The following GRIA2 variants were observed in gnomAD, a reference collection of about 807,000 sequenced individuals.
The protein encoded by GRIA2 is glutamate receptor 2.
In GRIA2, 14 loss-of-function variants were observed where a neutral mutation model predicts 97.3. The observed-to-expected ratio is 0.14, with a 90% confidence interval of 0.10 to 0.23. GRIA2 has a LOEUF of 0.23. Among genes scored for constraint, GRIA2 ranks in the 10% least tolerant of loss-of-function variants. The pLI is 1.00. For synonymous variants in GRIA2, 412 were observed against 387.8 expected (o/e 1.06, Z -0.73); for missense variants, 558 against 1,069.8 (o/e 0.52, Z 6.67).
At chr4:157,340,770 G>A (rs1305071300) in intron 11 of GRIA2, among the ~76,000 whole-genome samples, 3 of 151,772 alleles carry the variant, frequency 2.0e-5, no homozygotes, top group African/African-American at 4.8e-5. Context: ...AAAATTTGAG[G>A]CCTTTTTTGT....
intron 2 of GRIA2, among the ~76,000 whole-genome samples, chr4:157,291,209 C>G (rs927173852): frequency 6.6e-6 from 1 of 151,946 alleles, no homozygotes; most frequent in African/African-American, 2.4e-5. Flanking sequence ...GCTTCACGCT[C>G]TTTCCCGAAT....
At chr4:157,326,837 A>T (rs1264046383) in intron 6 of GRIA2, among the ~76,000 whole-genome samples, 1 of 152,182 alleles carries the variant, frequency 6.6e-6, no homozygotes, top group Non-Finnish European at 1.5e-5. Flanking sequence ...TTTGAAGAGC[A>T]ACAGGGAACT....
chr4:157,360,767 G>T, intron 13 of GRIA2: 2 of 554,946 alleles, frequency 3.6e-6, no homozygotes, highest in Admixed American at 2.2e-5. Flanking sequence ...CATTGCTGTA[G>T]AATATAGAAC....
intron 2 of GRIA2, among the ~76,000 whole-genome samples, chr4:157,271,750 G>GT (rs1472361534): frequency 1.3e-5 from 2 of 152,086 alleles, no homozygotes; most frequent in Non-Finnish European, 2.9e-5. Flanking sequence ...TACAGGCCTT[G>GT]TTTTTTCAGG....
intron 2 of GRIA2, among the ~76,000 whole-genome samples, chr4:157,294,987 G>A (rs952078038): frequency 2.5e-4 from 38 of 152,092 alleles, no homozygotes; most frequent in African/African-American, 8.7e-4. Context: ...GTGAAATAGC[G>A]CCTGATACAG....
intron 12 of GRIA2, among the ~76,000 whole-genome samples, chr4:157,355,503 G>C (rs1250674483): frequency 2.1e-5 from 3 of 145,828 alleles, no homozygotes; most frequent in African/African-American, 7.4e-5. Flanking sequence ...ACTCCAGCCT[G>C]GGGGACAAGA....
chr4:157,305,398 T>C (rs1450603775), intron 3 of GRIA2, among the ~76,000 whole-genome samples: 1 of 152,134 alleles, frequency 6.6e-6, no homozygotes, highest in East Asian at 1.9e-4. Flanking sequence ...ATCCATTTTC[T>C]ATGAAGTAGC....
At chr4:157,257,428 C>A (rs951912491) in intron 2 of GRIA2, among the ~76,000 whole-genome samples, 2 of 152,050 alleles carry the variant, frequency 1.3e-5, no homozygotes, top group South Asian at 2.1e-4. Context: ...ACAGGTCTAA[C>A]TGCTTACAAA....
chr4:157,342,105 A>C (rs530493696), intron 12 of GRIA2: 1 of 973,226 alleles, frequency 1.0e-6, no homozygotes, highest in African/African-American at 1.8e-5. Context: ...CTTTCTTTCT[A>C]CTATTGTGTG....
At chr4:157,311,744 C>T (rs966492260) in intron 3 of GRIA2, among the ~76,000 whole-genome samples, 4 of 151,698 alleles carry the variant, frequency 2.6e-5, no homozygotes, top group African/African-American at 4.8e-5. Flanking sequence ...CTCGATTTTG[C>T]GTTGTTTATT....
chr4:157,263,385 GT>G lies in GRIA2; in HGVS notation c.230-40157del, dbSNP rs909808407. Among the ~76,000 whole-genome samples, 50 of 149,052 alleles carry G rather than the reference GT, an allele frequency of 3.4e-4. No individual in the cohort carries two copies. In the East Asian group the frequency reaches 4.5e-3, roughly 14 times the overall value. ...ACTTTTGGTTGTATTCATTTGAAGA[GT>G]TTTTTTTTTCTGTAGTGGCTCAGGA... On this transcript the variant is annotated intron_variant, in intron 2 of 15. Coordinates refer to ENST00000264426, the MANE Select transcript of GRIA2 (RefSeq NM_001083619.3).
chr4:157,259,141 C>T (rs1412411778), intron 2 of GRIA2, among the ~76,000 whole-genome samples: 4 of 152,008 alleles, frequency 2.6e-5, no homozygotes, highest in Non-Finnish European at 5.9e-5. Context: ...AATGAGAGGA[C>T]TGCTTGAGCC....
At chr4:157,309,784 C>T (rs1477809203) in intron 3 of GRIA2, among the ~76,000 whole-genome samples, 1 of 151,982 alleles carries the variant, frequency 6.6e-6, no homozygotes, top group African/African-American at 2.4e-5. Flanking sequence ...AAAGTTGAGA[C>T]ATAATATTAA....
At chr4:157,252,048 T>C (rs549916451) in intron 2 of GRIA2, among the ~76,000 whole-genome samples, 1 of 152,312 alleles carries the variant, frequency 6.6e-6, no homozygotes, top group East Asian at 1.9e-4. Context: ...GTAGTCATCT[T>C]CATCCCTGCC....
In GRIA2 at chr4:157,305,998, G is replaced by A. The variant is rs79740273; in HGVS notation, c.469+2207G>A. Among the ~76,000 whole-genome samples, 181 of 152,242 alleles carry A rather than the reference G, an allele frequency of 1.2e-3. 2 individuals are homozygous for A. In the East Asian group the frequency reaches 0.031, roughly 26 times the overall value. ...AGATAATGCTAGAAAGAGAGTTAAT[G>A]TTCAGTAAATGGTGTTAATAAGTAA... On this transcript the variant is annotated intron_variant, in intron 3 of 15. Transcript: ENST00000264426.
chr4:157,308,034 A>G (rs929680806), intron 3 of GRIA2, among the ~76,000 whole-genome samples: 2 of 152,236 alleles, frequency 1.3e-5, no homozygotes, highest in Non-Finnish European at 2.9e-5. Flanking sequence ...CAAAGAAAAT[A>G]TTTTTAAGCA....
At chr4:157,362,732 A>G in intron 14 of GRIA2, 67 bp from the exon 15 acceptor site, 16 of 1,306,750 alleles carry the variant, frequency 1.2e-5, no homozygotes, top group Non-Finnish European at 1.7e-5. Flanking sequence ...ATGCTATGTG[A>G]CATTGCTGTT....
rs557940742 is a variant in GRIA2 at position 157,325,531 on chromosome 4, C to G, written c.882+3932C>G. On this transcript the variant is annotated intron_variant, in intron 6 of 15. Coordinates refer to ENST00000264426, the MANE Select transcript of GRIA2 (RefSeq NM_001083619.3). ...AGATTACAGTCTTCAGACTAGAAACCAACAATTAAATTGTAGCATTGATGG... is the reference window on the plus strand; with the variant it reads ...AGATTACAGTCTTCAGACTAGAAACGAACAATTAAATTGTAGCATTGATGG... Among the ~76,000 whole-genome samples, 8 of 152,228 alleles carry G rather than the reference C, an allele frequency of 5.3e-5. No homozygotes were observed. In the South Asian group the frequency reaches 1.7e-3, roughly 32 times the overall value.
chr4:157,306,673 C>T (rs1733859227), intron 3 of GRIA2, among the ~76,000 whole-genome samples: 1 of 152,046 alleles, frequency 6.6e-6, no homozygotes, highest in Admixed American at 6.6e-5. Flanking sequence ...AAAGACTTGA[C>T]CTTTGTGTAA....
Sources: gnomAD v4.1 joint callset for allele counts (sites outside exome capture counted in the v4.1 genomes callset) on GRCh38, gnomAD v4.1.1 for gene constraint, MANE v1.5 for transcripts, NCBI Gene and HGNC (gene_info 2026-07-23, HGNC 2026-07-21) for gene names.